The following LEPR variants were observed in gnomAD, a reference collection of about 807,000 sequenced individuals.
The protein encoded by LEPR is OB receptor.
LEPR carries 56 observed loss-of-function variants against 114.7 expected under a neutral mutation model. The observed-to-expected ratio is 0.49, with a 90% confidence interval of 0.39 to 0.61. The LOEUF is 0.61. Ranked by LOEUF, LEPR falls within the 20% of genes least tolerant of loss-of-function variation. LEPR has a pLI of 0.00. For synonymous variants in LEPR, 443 were observed against 461.4 expected (o/e 0.96, Z 0.51); for missense variants, 1,202 against 1,352.9 (o/e 0.89, Z 1.75).
chr1:65,431,791 C>A, intron 2 of LEPR: 27 of 1,608,682 alleles, frequency 1.7e-5, no homozygotes, highest in Non-Finnish European at 2.3e-5. Flanking sequence ...TCCTTCTTTT[C>A]TTGTCTTTCA....
At chr1:65,619,853 C>G (rs1310227009) in intron 16 of LEPR, 75 bp from the exon 17 acceptor site, 1 of 1,151,940 alleles carries the variant, frequency 8.7e-7, no homozygotes, top group Non-Finnish European at 1.3e-6. Flanking sequence ...CACTTTAATT[C>G]TTTTTTAAAA....
rs961639883 is a variant in LEPR, at chr1:65,596,645, C to T, written c.849+52C>T. On this transcript the variant is annotated intron_variant, in intron 7 of 19. Transcript: ENST00000349533. ...AAAAGTTGAGAAGTAAATAAAGACC[C>T]TCTTAAGTCCCATAGCAATTACCCT... 7.9e-6 allele frequency: 12 copies of T among 1,521,804 alleles called. No individual in the cohort carries two copies. In the African/African-American group the frequency reaches 1.2e-4, roughly 16 times the overall value. 94.3% of individuals were successfully genotyped at this position (1,521,804 alleles called of 1,614,324 possible). A position where few individuals can be genotyped will look rare whatever the true frequency, so the allele number is the denominator to read the frequency against.
chr1:65,436,734 C>CT (rs1241592166), intron 2 of LEPR, among the ~76,000 whole-genome samples: 1 of 152,196 alleles, frequency 6.6e-6, no homozygotes, highest in East Asian at 1.9e-4. Flanking sequence ...TTGATTATAT[C>CT]TTTATCAAAA....
chr1:65,526,018 C>CG, intron 2 of LEPR: 3 of 834,322 alleles, frequency 3.6e-6, no homozygotes, highest in Non-Finnish European at 4.3e-6. Context: ...GGTGCGACGC[C>CG]GGGCGACTCT....
intron 2 of LEPR, among the ~76,000 whole-genome samples, chr1:65,536,747 A>G (rs1210131146): frequency 1.3e-5 from 2 of 152,130 alleles, no homozygotes; most frequent in African/African-American, 2.4e-5. Context: ...TTTCCCAAAC[A>G]GTATCATACT....
intron 2 of LEPR, among the ~76,000 whole-genome samples, chr1:65,438,332 A>AT (rs1394958143): frequency 6.6e-6 from 1 of 151,796 alleles, no homozygotes; most frequent in South Asian, 2.1e-4. Context: ...TGGGCAGATT[A>AT]CGAGGTCAAG....
chr1:65,620,240 T>C (rs972315863), intron 17 of LEPR, among the ~76,000 whole-genome samples: 5 of 152,196 alleles, frequency 3.3e-5, no homozygotes, highest in African/African-American at 1.2e-4. Context: ...CTTATATTTC[T>C]GATTCATCTT....
At chr1:65,609,228 G>A (rs1413022420) in intron 12 of LEPR, among the ~76,000 whole-genome samples, 4 of 151,888 alleles carry the variant, frequency 2.6e-5, no homozygotes, top group Admixed American at 2.6e-4. Context: ...CATATTCAAG[G>A]TTTGGAGAGG....
rs1452409866 is a variant in LEPR, at chr1:65,636,845, T to C, written c.3328T>C (p.Phe1110Leu). The C allele has an allele frequency of 3.7e-6, 6 of 1,612,536 alleles. No individual in the cohort carries two copies. Among genetic ancestry groups the C allele is most frequent in the Non-Finnish European group, 5.1e-6 (6 of 1,179,524 alleles). ...GTGCCCATTCCCAGCCCCCTGTTTATTCACGGACATCAGAGTTCTCCAGGA... is the reference window on the plus strand; with the variant it reads ...GTGCCCATTCCCAGCCCCCTGTTTACTCACGGACATCAGAGTTCTCCAGGA... Reference protein sequence around the residue: ...VSCPFPAPCLFTDIRVLQDSC... With the variant: ...VSCPFPAPCLLTDIRVLQDSC... The change falls in exon 20 of 20, where the codon TTC becomes CTC. Residue 1110 changes from phenylalanine to leucine, a missense_variant. Phe to Leu is a conservative substitution (Grantham distance 22). Coordinates refer to ENST00000349533, the MANE Select transcript of LEPR (RefSeq NM_002303.6).
rs186870545 is a variant in LEPR, at chr1:65,543,894, T to G, written c.-20-21652T>G. ...GCCTTGTAGTATAGTTTGAAGTCAG[T>G]TAGTGTGATGCCTCCAGTTTTGTTC... On this transcript the variant is annotated intron_variant, in intron 2 of 19. Transcript: ENST00000349533. Among the ~76,000 whole-genome samples, 123 of 151,918 alleles carry G rather than the reference T, an allele frequency of 8.1e-4. 1 individual carries two copies. Among genetic ancestry groups the G allele is most frequent in the African/African-American group, 2.9e-3 (121 of 41,340 alleles).
At position 65,565,012 on chromosome 1, in the gene LEPR, T is replaced by C. The variant is rs1023638676; in HGVS notation, c.-20-534T>C. Among the ~76,000 whole-genome samples the C allele has an allele frequency of 9.2e-5, 14 of 152,242 alleles. 1 individual carries two copies. The highest frequency in any genetic ancestry group is 1.8e-4 in the Non-Finnish European group (12 of 68,028). ...TCTAACTCTCCAATATTACCTCATC[T>C]GCAAATAAACAATAGGTTTCCAAAG... On this transcript the variant is annotated intron_variant, in intron 2 of 19. Coordinates refer to ENST00000349533, the MANE Select transcript of LEPR (RefSeq NM_002303.6).
At chr1:65,509,372 A>G (rs967966168) in intron 2 of LEPR, among the ~76,000 whole-genome samples, 2 of 152,016 alleles carry the variant, frequency 1.3e-5, no homozygotes, top group Non-Finnish European at 2.9e-5. Flanking sequence ...TCTACTCTGA[A>G]TTTGTTGAGC....
At chr1:65,549,756 G>A (rs1399924457) in intron 2 of LEPR, among the ~76,000 whole-genome samples, 9 of 152,124 alleles carry the variant, frequency 5.9e-5, no homozygotes, top group Non-Finnish European at 4.4e-5. Flanking sequence ...CCTTTGGTTT[G>A]AATTTCCTCC....
intron 2 of LEPR, among the ~76,000 whole-genome samples, chr1:65,509,227 T>G (rs1332038818): frequency 6.6e-6 from 1 of 152,166 alleles, no homozygotes; most frequent in African/African-American, 2.4e-5. Context: ...CGTACTATGT[T>G]GCATAGGAGC....
chr1:65,470,569 C>T (rs961023048), intron 2 of LEPR, among the ~76,000 whole-genome samples: 2 of 152,154 alleles, frequency 1.3e-5, no homozygotes, highest in Non-Finnish European at 2.9e-5. Context: ...CCTTCCCAAA[C>T]CCTTGCTCCC....
intron 2 of LEPR, among the ~76,000 whole-genome samples, chr1:65,512,445 A>G (rs1463446412): frequency 6.6e-6 from 1 of 152,202 alleles, no homozygotes; most frequent in Non-Finnish European, 1.5e-5. Context: ...TGCCTCAGCA[A>G]GGTGTAGGAG....
intron 14 of LEPR, among the ~76,000 whole-genome samples, chr1:65,614,870 T>C (rs1437765692): frequency 1.3e-5 from 2 of 152,094 alleles, no homozygotes; most frequent in African/African-American, 2.4e-5. Flanking sequence ...CGTTCAATAA[T>C]AGAAACAAGG....
intron 2 of LEPR, among the ~76,000 whole-genome samples, chr1:65,447,258 A>AT (rs1369974282): frequency 2.0e-5 from 3 of 152,024 alleles, no homozygotes; most frequent in Non-Finnish European, 4.4e-5. Context: ...ATTTGAGTTA[A>AT]TTTTTTGTAA....
chr1:65,613,928 A>G (rs1045222879), intron 14 of LEPR, among the ~76,000 whole-genome samples: 10 of 144,456 alleles, frequency 6.9e-5, no homozygotes, highest in African/African-American at 2.5e-4. Context: ...CTAAAATCCA[A>G]AAAAAAAACC....
Sources: allele counts gnomAD v4.1 joint callset (sites outside exome capture counted in the v4.1 genomes callset), GRCh38; gene constraint gnomAD v4.1.1; transcripts MANE v1.5; gene names NCBI Gene and HGNC (gene_info 2026-07-23, HGNC 2026-07-21).